MARCHF1: variants seen among roughly 807,000 people sequenced by gnomAD.
MARCHF1 encodes membrane associated ring-CH-type finger 1.
A neutral mutation model predicts 54.2 loss-of-function variants in MARCHF1; 40 were observed. The observed-to-expected ratio is 0.74, with a 90% confidence interval of 0.57 to 0.96. MARCHF1 has a LOEUF of 0.96. Ranked by LOEUF, MARCHF1 falls within the 40% of genes least tolerant of loss-of-function variation. The probability of loss-of-function intolerance (pLI) is 0.00; values close to 1 mark genes in which losing one functional copy is unlikely to be tolerated. For synonymous variants in MARCHF1, 236 were observed against 236.3 expected, an observed-to-expected ratio of 1.00 and a Z score of 0.01; for missense variants, 586 against 656.5, an observed-to-expected ratio of 0.89 and a Z score of 1.17.
intron 4 of MARCHF1, among the ~76,000 whole-genome samples, chr4:163,739,942 A>T (rs1167348678): frequency 6.6e-6 from 1 of 152,174 alleles, no homozygotes; most frequent in Non-Finnish European, 1.5e-5. Flanking sequence ...AAGTCAAAAT[A>T]CTTGAATGAT....
chr4:164,014,228 CA>C (rs1231951439), intron 2 of MARCHF1, among the ~76,000 whole-genome samples: 2 of 149,466 alleles, frequency 1.3e-5, no homozygotes, highest in African/African-American at 4.9e-5. Flanking sequence ...AGCAGAAAGT[CA>C]AAAAAATGAG....
chr4:164,301,490 T>G (rs1037083915), intron 1 of MARCHF1, among the ~76,000 whole-genome samples: 1 of 152,168 alleles, frequency 6.6e-6, no homozygotes, highest in African/African-American at 2.4e-5. Context: ...AGTTAAAATG[T>G]CAACCAAATA....
At chr4:163,569,145 C>T (rs959464583) in intron 8 of MARCHF1, among the ~76,000 whole-genome samples, 2 of 152,074 alleles carry the variant, frequency 1.3e-5, no homozygotes, top group Admixed American at 1.3e-4. Context: ...AATCTGTGTA[C>T]ACGGTCTTTT....
rs145540933 is a variant in MARCHF1, at chr4:164,046,918, T to C, written c.-247-58209A>G. 2.2e-3 allele frequency among the ~76,000 whole-genome samples: 338 copies of C among 152,266 alleles called. 1 individual carries two copies. Among genetic ancestry groups the C allele is most frequent in the African/African-American group, 7.7e-3 (319 of 41,566 alleles). ...AGAGTTGGGAAATGCATATTAAAGATAGATTAATCTTTTAATAAAAAGGCT... is the reference window on the plus strand; with the variant it reads ...AGAGTTGGGAAATGCATATTAAAGACAGATTAATCTTTTAATAAAAAGGCT... On this transcript the variant is annotated intron_variant, in intron 2 of 9. Transcript: ENST00000514618.
intron 2 of MARCHF1, among the ~76,000 whole-genome samples, chr4:164,103,820 T>A (rs2111164585): frequency 8.0e-6 from 1 of 125,230 alleles, no homozygotes; most frequent in Non-Finnish European, 1.6e-5. Context: ...AATTAATGAA[T>A]CCAGGAGCTG....
chr4:163,636,737 A>T (rs1293118480), intron 5 of MARCHF1, among the ~76,000 whole-genome samples: 1 of 152,088 alleles, frequency 6.6e-6, no homozygotes, highest in Non-Finnish European at 1.5e-5. Flanking sequence ...CACAATTGGA[A>T]AAAACTACTT....
rs1479492169 is a variant in MARCHF1 at position 164,104,201 on chromosome 4, T to C, written c.-248+7387A>G. On this transcript the variant is annotated intron_variant, in intron 2 of 9. Transcript: ENST00000514618. ...TACCAGAGGTACAAGGAGGAACTGA[T>C]ACCATTCCTTCTGAAACTATTCCAA... 2.3e-3 allele frequency among the ~76,000 whole-genome samples: 334 copies of C among 144,906 alleles called. 3 individuals carry two copies. Among genetic ancestry groups the C allele is most frequent in the African/African-American group, 7.7e-3 (298 of 38,610 alleles).
At chr4:163,645,479 G>T (rs768749439) in intron 5 of MARCHF1, among the ~76,000 whole-genome samples, 2 of 152,110 alleles carry the variant, frequency 1.3e-5, no homozygotes, top group Non-Finnish European at 2.9e-5. Flanking sequence ...AAGCAAACAT[G>T]ACACCACCAA....
chr4:164,069,400 T>C (rs1018234496), intron 2 of MARCHF1, among the ~76,000 whole-genome samples: 52 of 152,340 alleles, frequency 3.4e-4, no homozygotes, highest in African/African-American at 1.2e-3. Flanking sequence ...GCAATAAATC[T>C]TGCTGCTACC....
intron 4 of MARCHF1, among the ~76,000 whole-genome samples, chr4:163,749,272 ACT>A (rs1268581497): frequency 1.3e-5 from 2 of 151,478 alleles, no homozygotes; most frequent in Admixed American, 6.6e-5. Context: ...TTCTAAATTC[ACT>A]TACTGTTTCT....
intron 1 of MARCHF1, among the ~76,000 whole-genome samples, chr4:164,368,268 A>T (rs1351628243): frequency 6.6e-6 from 1 of 151,410 alleles, no homozygotes; most frequent in African/African-American, 2.4e-5. Flanking sequence ...TTTTAAAATC[A>T]TAAAGATATA....
chr4:163,691,411 C>T (rs1420774912), intron 5 of MARCHF1, among the ~76,000 whole-genome samples: 6 of 152,108 alleles, frequency 3.9e-5, no homozygotes, highest in African/African-American at 1.4e-4. Context: ...ATACATATGT[C>T]CCTCAAGTGA....
At chr4:164,104,832 G>C (rs1269241161) in intron 2 of MARCHF1, among the ~76,000 whole-genome samples, 3 of 54,500 alleles carry the variant, frequency 5.5e-5, no homozygotes, top group African/African-American at 1.3e-4. Context: ...AATTGTCCCT[G>C]TTTGCAGATG....
chr4:163,737,954 G>A (rs1009299668), intron 4 of MARCHF1, among the ~76,000 whole-genome samples: 1 of 76,336 alleles, frequency 1.3e-5, no homozygotes, highest in Non-Finnish European at 4.6e-5. Context: ...AAAGACACAT[G>A]CACACGTATG....
chr4:164,045,463 G>A (rs1754222211), intron 2 of MARCHF1, among the ~76,000 whole-genome samples: 1 of 151,818 alleles, frequency 6.6e-6, no homozygotes, highest in South Asian at 2.1e-4. Context: ...AGTGAGCCAA[G>A]ATTGTGACAC....
chr4:164,340,916 C>CA (rs35543676), intron 1 of MARCHF1, among the ~76,000 whole-genome samples: 25,635 of 96,120 alleles, frequency 0.27, 2,703 homozygotes, highest in South Asian at 0.32. Context: ...GAGGGCACTA[C>CA]AAAAAAAAAA....
At chr4:163,907,937 A>G (rs968216178) in intron 3 of MARCHF1, among the ~76,000 whole-genome samples, 8 of 152,138 alleles carry the variant, frequency 5.3e-5, no homozygotes, top group African/African-American at 1.9e-4. Flanking sequence ...AAACCTGAAG[A>G]CTGGTGTTAG....
intron 5 of MARCHF1, among the ~76,000 whole-genome samples, chr4:163,674,352 A>C (rs779216466): frequency 1.2e-4 from 19 of 152,184 alleles, no homozygotes; most frequent in Admixed American, 2.6e-4. Context: ...AAAGAAAAAA[A>C]ATGTGATGGG....
intron 2 of MARCHF1, among the ~76,000 whole-genome samples, chr4:164,028,010 C>T (rs1416148915): frequency 1.3e-5 from 2 of 152,050 alleles, no homozygotes; most frequent in Non-Finnish European, 1.5e-5. Context: ...CAGAGAAATG[C>T]AAGTTAAAAC....
Sources: gnomAD v4.1 joint callset for allele counts (sites outside exome capture counted in the v4.1 genomes callset) on GRCh38, gnomAD v4.1.1 for gene constraint, MANE v1.5 for transcripts, NCBI Gene and HGNC (gene_info 2026-07-23, HGNC 2026-07-21) for gene names.